Variants in TPD52L1 observed in about 807,000 individuals in gnomAD.
TPD52L1 encodes the protein tumor protein D53.
A neutral mutation model predicts 28.7 loss-of-function variants in TPD52L1; 18 were observed. That is an observed-to-expected ratio of 0.63 (90% CI 0.43 to 0.93). TPD52L1 has a LOEUF of 0.93. Ranked by LOEUF, TPD52L1 falls within the 40% of genes least tolerant of loss-of-function variation. The pLI, the probability that TPD52L1 is intolerant of heterozygous loss-of-function variation, is 0.00. For synonymous variants in TPD52L1, 75 were observed against 88.8 expected, an observed-to-expected ratio of 0.84 and a Z score of 0.88; for missense variants, 203 against 254.8, an observed-to-expected ratio of 0.80 and a Z score of 1.39.
At chr6:125,244,210 C>G (rs1796787951) in intron 3 of TPD52L1, among the ~76,000 whole-genome samples, 1 of 152,052 alleles carries the variant, frequency 6.6e-6, no homozygotes. Context: ...TTATCTTGTT[C>G]TCTCATGGTG....
At chr6:125,170,962 G>T (rs569555930) in intron 1 of TPD52L1, among the ~76,000 whole-genome samples, 35 of 152,080 alleles carry the variant, frequency 2.3e-4, no homozygotes, top group Non-Finnish European at 3.8e-4. Context: ...TGAGCCTTTC[G>T]TGGGTAGACT....
intron 3 of TPD52L1, among the ~76,000 whole-genome samples, chr6:125,237,161 T>C (rs543926999): frequency 3.9e-5 from 6 of 152,240 alleles, no homozygotes; most frequent in African/African-American, 7.2e-5. Flanking sequence ...AGGTGGACTT[T>C]GGCTTTTCAC....
intron 1 of TPD52L1, among the ~76,000 whole-genome samples, chr6:125,169,153 A>C (rs1402374348): frequency 1.3e-5 from 2 of 152,026 alleles, no homozygotes; most frequent in African/African-American, 4.8e-5. Flanking sequence ...TCCTTAAAGC[A>C]CTTTGTTCAC....
intron 3 of TPD52L1, among the ~76,000 whole-genome samples, chr6:125,235,004 G>T (rs1796171868): frequency 6.6e-6 from 1 of 151,730 alleles, no homozygotes; most frequent in African/African-American, 2.4e-5. Context: ...TGAGGTGGGA[G>T]GATTGCTAGA....
chr6:125,164,198 C>T (rs918877823), intron 1 of TPD52L1, among the ~76,000 whole-genome samples: 1 of 152,108 alleles, frequency 6.6e-6, no homozygotes, highest in African/African-American at 2.4e-5. Context: ...TCTATATGAT[C>T]AAAGAGGCTT....
intron 4 of TPD52L1, among the ~76,000 whole-genome samples, chr6:125,249,433 T>C (rs1180489111): frequency 6.6e-6 from 1 of 151,818 alleles, no homozygotes; most frequent in Non-Finnish European, 1.5e-5. Context: ...AATCCCGTCA[T>C]TTTGGGAGAC....
intron 1 of TPD52L1, among the ~76,000 whole-genome samples, chr6:125,211,643 A>T (rs886261254): frequency 3.3e-5 from 5 of 152,178 alleles, no homozygotes; most frequent in Non-Finnish European, 4.4e-5. Flanking sequence ...ACCACTTTTA[A>T]ACTCTTTCAG....
intron 1 of TPD52L1, among the ~76,000 whole-genome samples, chr6:125,176,842 G>C (rs1791850704): frequency 6.6e-6 from 1 of 152,026 alleles, no homozygotes; most frequent in Non-Finnish European, 1.5e-5. Flanking sequence ...TTCGAGACCA[G>C]CCTGGGCAAT....
chr6:125,253,541 G>T, intron 4 of TPD52L1, 176 bp from the exon 5 acceptor site: 1 of 599,138 alleles, frequency 1.7e-6, no homozygotes, highest in Non-Finnish European at 2.9e-6. Context: ...ACCCTTGAAA[G>T]CTGACTATAC....
At chr6:125,201,761 T>C (rs928855506) in intron 1 of TPD52L1, among the ~76,000 whole-genome samples, 1 of 152,256 alleles carries the variant, frequency 6.6e-6, no homozygotes, top group African/African-American at 2.4e-5. Flanking sequence ...TTGCATTTTC[T>C]TGTCTGTGAC....
intron 1 of TPD52L1, among the ~76,000 whole-genome samples, chr6:125,207,352 T>TG (rs1159479961): frequency 6.6e-6 from 1 of 152,232 alleles, no homozygotes; most frequent in African/African-American, 2.4e-5. Flanking sequence ...TCATCAGTTA[T>TG]GTGAGTTTGG....
At position 125,220,074 on chromosome 6, in the gene TPD52L1, A is replaced by G; in HGVS notation, c.20-4A>G. The G allele has an allele frequency of 8.1e-6, 13 of 1,609,080 alleles. No homozygotes were observed. The highest frequency in any genetic ancestry group is 1.1e-5 in the Non-Finnish European group (13 of 1,175,540). On this transcript the variant is annotated splice_region_variant and splice_polypyrimidine_tract_variant and intron_variant, in intron 1 of 6. Coordinates refer to ENST00000534000, the MANE Select transcript of TPD52L1 (RefSeq NM_003287.4). ...GCCTTCTGTTTTATCAATTCTGCCT[A>G]AAGGTTTGTTGGAGACTGAACCGTT...
chr6:125,252,574 C>T (rs1019559540), intron 4 of TPD52L1: 1 of 152,262 alleles, frequency 6.6e-6, no homozygotes, highest in Non-Finnish European at 1.5e-5. Context: ...GATTTTTAAT[C>T]CCAAGCCCCC....
At chr6:125,203,398 A>T (rs1248831678) in intron 1 of TPD52L1, among the ~76,000 whole-genome samples, 1 of 151,866 alleles carries the variant, frequency 6.6e-6, no homozygotes, top group Non-Finnish European at 1.5e-5. Context: ...TCTTGCTTGC[A>T]GTGTTACCCA....
At position 125,245,534 on chromosome 6, in the gene TPD52L1, A is replaced by G. The variant is rs115936862; in HGVS notation, c.285-2748A>G. Among the ~76,000 whole-genome samples, 897 of 152,272 alleles carry G rather than the reference A, an allele frequency of 5.9e-3. 12 individuals are homozygous for G. The highest frequency in any genetic ancestry group is 0.02 in the African/African-American group (841 of 41,550). On this transcript the variant is annotated intron_variant, in intron 3 of 6. Coordinates refer to ENST00000534000, the MANE Select transcript of TPD52L1 (RefSeq NM_003287.4). ...TAGAGAAATACCATCAAGTGGGGGCAGGGATAGACTCTCCTTGGGCGGGTC... is the reference window on the plus strand; with the variant it reads ...TAGAGAAATACCATCAAGTGGGGGCGGGGATAGACTCTCCTTGGGCGGGTC...
At chr6:125,178,612 C>A (rs554831192) in intron 1 of TPD52L1, among the ~76,000 whole-genome samples, 1 of 150,634 alleles carries the variant, frequency 6.6e-6, no homozygotes, top group East Asian at 1.9e-4. Context: ...CAGAGTGAGA[C>A]TCCATCTAAA....
chr6:125,172,526 A>AT (rs1554202602), intron 1 of TPD52L1, among the ~76,000 whole-genome samples: 3 of 74,130 alleles, frequency 4.0e-5, no homozygotes, highest in Admixed American at 1.5e-4. Context: ...ATATATATAT[A>AT]TATATATATA....
chr6:125,172,460 T>G (rs9491325), intron 1 of TPD52L1, among the ~76,000 whole-genome samples: 9,320 of 114,116 alleles, frequency 0.082, 586 homozygotes, highest in East Asian at 0.24. Flanking sequence ...GCCTGGATTT[T>G]TGTGTGTGTG....
At position 125,237,957 on chromosome 6, in the gene TPD52L1, G is replaced by A. The variant is rs545328740; in HGVS notation, c.284+8691G>A. On this transcript the variant is annotated intron_variant, in intron 3 of 6. Transcript: ENST00000534000. Reference sequence around the variant, plus strand: ...TTGCAGGCGTGAGCCACGACGCCCAGGCTTGAACTCCATTTTTAATGCCCT... The same window carrying A: ...TTGCAGGCGTGAGCCACGACGCCCAAGCTTGAACTCCATTTTTAATGCCCT... 4.6e-5 allele frequency among the ~76,000 whole-genome samples: 7 copies of A among 152,286 alleles called. No homozygotes were observed. In the East Asian group the frequency reaches 1.3e-3, roughly 29 times the overall value.
Sources: gnomAD v4.1 joint callset for allele counts (sites outside exome capture counted in the v4.1 genomes callset) on GRCh38, gnomAD v4.1.1 for gene constraint, MANE v1.5 for transcripts, NCBI Gene and HGNC (gene_info 2026-07-23, HGNC 2026-07-21) for gene names.